Variants in ZNF644 observed in about 807,000 individuals in gnomAD.
ZNF644 encodes zinc finger motif enhancer binding protein 2.
In ZNF644, 20 loss-of-function variants were observed where a neutral mutation model predicts 108.0. That is an observed-to-expected ratio of 0.19 (90% CI 0.13 to 0.27). The LOEUF (loss-of-function observed/expected upper bound fraction) is 0.27, where lower values mean the gene tolerates loss of function less well. Ranked by LOEUF, ZNF644 falls within the 10% of genes least tolerant of loss-of-function variation. ZNF644 has a pLI of 1.00. For synonymous variants in ZNF644, 542 were observed against 539.1 expected, an observed-to-expected ratio of 1.01 and a Z score of -0.08; for missense variants, 1,338 against 1,548.9, an observed-to-expected ratio of 0.86 and a Z score of 2.29.
At chr1:90,961,454 A>G (rs1349298236) in intron 2 of ZNF644, among the ~76,000 whole-genome samples, 1 of 152,140 alleles carries the variant, frequency 6.6e-6, no homozygotes, top group East Asian at 1.9e-4. Context: ...TCAATAAACA[A>G]AACTATTTTC....
chr1:90,981,182 T>C (rs1656510477), intron 2 of ZNF644, among the ~76,000 whole-genome samples: 1 of 152,078 alleles, frequency 6.6e-6, no homozygotes, highest in Non-Finnish European at 1.5e-5. Context: ...CATAGGCAAG[T>C]GTTATTTCTA....
chr1:90,978,923 G>A (rs1252193283), intron 2 of ZNF644, among the ~76,000 whole-genome samples: 1 of 152,118 alleles, frequency 6.6e-6, no homozygotes, highest in Non-Finnish European at 1.5e-5. Context: ...GGAACAGCAT[G>A]AGAAAATGTC....
In ZNF644 at chr1:90,933,088, C is replaced by T. The variant is rs114858425; in HGVS notation, c.3688+4397G>A. ...ATTTTTTAGATAATCTTCATAAGTG[C>T]ATTCTTGGTAAATGGAGATTTACTA... On this transcript the variant is annotated intron_variant, in intron 4 of 5. Transcript: ENST00000337393. Among the ~76,000 whole-genome samples the T allele has an allele frequency of 8.1e-3, 1,239 of 152,214 alleles. 15 individuals carry two copies. Among genetic ancestry groups the T allele is most frequent in the African/African-American group, 0.028 (1,180 of 41,516 alleles).
In ZNF644 at chr1:90,985,272, G is replaced by A. The variant is rs526634; in HGVS notation, c.-17-2902C>T. The stretch of plus-strand genomic sequence containing the variant: ...TTACATAGTAGAATGATTAATTCAT[G>A]CTAATTAACAAATCCATCACCTCAC... On this transcript the variant is annotated intron_variant, in intron 1 of 5. Transcript: ENST00000337393. Among the ~76,000 whole-genome samples, 233 of 152,250 alleles carry A rather than the reference G, an allele frequency of 1.5e-3. 4 individuals are homozygous for A. Among genetic ancestry groups the A allele is most frequent in the Middle Eastern group, 0.01 (3 of 294 alleles).
chr1:90,939,638 CAT>C lies in ZNF644; in HGVS notation c.1714_1715del (p.Met572GlufsTer17). 6.2e-7 allele frequency: 1 copy of C among 1,614,014 alleles called. No homozygotes were observed. Among genetic ancestry groups the C allele is most frequent in the Non-Finnish European group, 8.5e-7 (1 of 1,179,934 alleles). Reference sequence around the variant, plus strand: ...TGGATGATCCTACTACAGAGTCTTTCATGAAAGTCTTTTTTTGTGTTTTTCTC... The same window carrying C: ...TGGATGATCCTACTACAGAGTCTTTCGAAAGTCTTTTTTTGTGTTTTTCTC... Reference protein sequence around the residue: ...AQRKTQKKTFMKDSVVGSSKK... With the variant: ...AQRKTQKKTFXKDSVVGSSKK... On this transcript the variant is annotated frameshift_variant, in exon 3 of 6. Transcript: ENST00000337393. LOFTEE classifies it high-confidence loss of function.
intron 1 of ZNF644, among the ~76,000 whole-genome samples, chr1:91,001,184 A>T (rs1348786209): frequency 6.6e-6 from 1 of 152,224 alleles, no homozygotes; most frequent in African/African-American, 2.4e-5. Context: ...AACTCATTTT[A>T]TGAGGCCAGC....
rs1251744484 is a variant in ZNF644 at position 91,022,029 on chromosome 1, A to G, written c.-57T>C. The G allele has an allele frequency of 5.0e-6, 2 of 398,776 alleles. No individual in the cohort carries two copies. Among genetic ancestry groups the G allele is most frequent in the Non-Finnish European group, 8.9e-6 (2 of 225,924 alleles). The allele number at this position is 398,776 out of a possible 1,614,324, so 24.7% of individuals were successfully genotyped here. A position where few individuals can be genotyped will look rare whatever the true frequency, so the allele number is the denominator to read the frequency against. On this transcript the variant is annotated 5_prime_UTR_variant, in exon 1 of 6. Coordinates refer to ENST00000337393, the MANE Select transcript of ZNF644 (RefSeq NM_201269.3). ...TGCGTCAAACCGGGGCGACGTTGGG[A>G]GCACGCGGCGTCCCCGCGTCACACG...
intron 1 of ZNF644, among the ~76,000 whole-genome samples, chr1:91,015,886 A>G (rs1250210350): frequency 3.3e-5 from 5 of 152,190 alleles, no homozygotes; most frequent in Non-Finnish European, 7.3e-5. Context: ...AACAGGTAAC[A>G]CTTACTTTAC....
chr1:90,948,341 T>C (rs143958504), intron 2 of ZNF644, among the ~76,000 whole-genome samples: 22 of 152,308 alleles, frequency 1.4e-4, no homozygotes, highest in African/African-American at 5.1e-4. Flanking sequence ...CAAGGCACAT[T>C]ATAGTATGCA....
At chr1:90,959,123 A>T (rs1570436103) in intron 2 of ZNF644, among the ~76,000 whole-genome samples, 1 of 152,234 alleles carries the variant, frequency 6.6e-6, no homozygotes, top group East Asian at 1.9e-4. Flanking sequence ...ATTTCTCAAA[A>T]AAAGATATAT....
At chr1:90,998,882 C>G (rs562056865) in intron 1 of ZNF644, among the ~76,000 whole-genome samples, 1 of 152,108 alleles carries the variant, frequency 6.6e-6, no homozygotes, top group South Asian at 2.1e-4. Flanking sequence ...AACCATGGCA[C>G]GAGAACTACG....
At chr1:90,952,753 T>C (rs911101493) in intron 2 of ZNF644, among the ~76,000 whole-genome samples, 3 of 152,050 alleles carry the variant, frequency 2.0e-5, no homozygotes, top group Non-Finnish European at 4.4e-5. Flanking sequence ...CAACATCTAG[T>C]TGGAATCCCG....
At chr1:91,021,736 A>C (rs1482130247) in intron 1 of ZNF644, 1 of 178,776 alleles carries the variant, frequency 5.6e-6, no homozygotes, top group Non-Finnish European at 1.0e-5. Context: ...CGCCTCCCCG[A>C]ACCCGGGGCC....
chr1:91,021,867 G>A (rs1029260095), intron 1 of ZNF644, 123 bp downstream of exon 1: 8 of 397,864 alleles, frequency 2.0e-5, no homozygotes, highest in Admixed American at 8.8e-5. Context: ...CCCCGGGCCC[G>A]AGAGCCGGAG....
intron 2 of ZNF644, among the ~76,000 whole-genome samples, chr1:90,978,494 A>G (rs534239814): frequency 6.6e-6 from 1 of 152,348 alleles, no homozygotes; most frequent in African/African-American, 2.4e-5. Flanking sequence ...TTTTCATGCT[A>G]CAACAAAGGG....
intron 2 of ZNF644, among the ~76,000 whole-genome samples, chr1:90,950,934 C>T (rs1653091995): frequency 6.6e-6 from 1 of 152,176 alleles, no homozygotes; most frequent in South Asian, 2.1e-4. Flanking sequence ...TTAAAGATCA[C>T]CCTTCTCTCA....
At position 90,940,441 on chromosome 1, in the gene ZNF644, C is replaced by T. The variant is rs149597385; in HGVS notation, c.913G>A (p.Glu305Lys). The T allele has an allele frequency of 2.1e-4, 331 of 1,613,498 alleles. 1 individual carries two copies. The East Asian group carries it at 4.8e-3, about 23-fold the overall frequency. ...CAATTAGAATCACTAAAGCAATCCT[C>T]GGTATAACGAGTTATCTTGCTTACA... ...MDVSKITRYT[E>K]DCFSDSNCVP... is the part of the protein sequence containing the mutation. Residue 305 changes from glutamate (E) to lysine (K), a missense_variant, in exon 3 of 6, where the codon GAG becomes AAG. Glu to Lys is a moderately conservative substitution (Grantham distance 56, BLOSUM62 1). Around this residue, in one of 6 missense-constraint regions of ZNF644, gnomAD observed 464 missense variants for 457.9 expected, o/e 1.01. Coordinates refer to ENST00000337393, the MANE Select transcript of ZNF644 (RefSeq NM_201269.3).
intron 2 of ZNF644, among the ~76,000 whole-genome samples, chr1:90,962,154 TAG>T (rs1219716216): frequency 6.6e-6 from 1 of 152,074 alleles, no homozygotes; most frequent in African/African-American, 2.4e-5. Flanking sequence ...TCTCAATGAA[TAG>T]ATTCAATTTT....
chr1:90,927,115 A>G (rs1650129022), intron 4 of ZNF644, among the ~76,000 whole-genome samples: 1 of 151,256 alleles, frequency 6.6e-6, no homozygotes, highest in African/African-American at 2.4e-5. Context: ...GCTATACATC[A>G]GGGTCCATTC....
Sources: allele counts gnomAD v4.1 joint callset (sites outside exome capture counted in the v4.1 genomes callset), GRCh38; gene constraint gnomAD v4.1.1; regional missense constraint gnomAD v4.1.1; transcripts MANE v1.5; gene names NCBI Gene and HGNC (gene_info 2026-07-23, HGNC 2026-07-21).